SRGAP3: variants seen among roughly 807,000 people sequenced by gnomAD.
SRGAP3 encodes SLIT-ROBO Rho GTPase activating protein 3.
Under a neutral mutation model 121.1 loss-of-function variants are expected in SRGAP3, and 39 were observed. The ratio of observed to expected loss-of-function variants is 0.32; its 90% CI spans 0.25 to 0.42. The LOEUF (loss-of-function observed/expected upper bound fraction) is 0.42. Ranked by LOEUF, SRGAP3 falls within the 10% of genes least tolerant of loss-of-function variation. The pLI, the probability that SRGAP3 is intolerant of heterozygous loss-of-function variation, is 1.00. For synonymous variants in SRGAP3, 601 were observed against 570.0 expected, an observed-to-expected ratio of 1.05 and a Z score of -0.77; for missense variants, 1,213 against 1,470.6, an observed-to-expected ratio of 0.82 and a Z score of 2.86.
chr3:9,046,893 T>A (rs998806254), intron 10 of SRGAP3, among the ~76,000 whole-genome samples: 5 of 151,712 alleles, frequency 3.3e-5, no homozygotes, highest in Non-Finnish European at 7.4e-5. Flanking sequence ...TGCAGTGGCA[T>A]GATCTCGGCT....
chr3:9,290,079 C>A, intron 3 of SRGAP3, among the ~76,000 whole-genome samples: 1 of 151,922 alleles, frequency 6.6e-6, no homozygotes, highest in East Asian at 1.9e-4. Flanking sequence ...CCACTGCACT[C>A]CAGCCTGGGC....
chr3:8,985,205 G>C lies in SRGAP3; in HGVS notation c.*314C>G. ...GTATGTAGAGAGAATGTCGAGAGAG[G>C]AAGTTTCCAGTGACGATATGCGGGA... is the stretch of plus-strand genomic sequence containing the variant. On this transcript the variant is annotated 3_prime_UTR_variant, in exon 22 of 22. Transcript: ENST00000383836. This position sits in a 1 kb window ranked among gnomAD's most constrained non-coding sequence, Gnocchi z 5.1. 1 of 470,514 alleles carries C rather than the reference G, an allele frequency of 2.1e-6. No individual in the cohort carries two copies. The highest frequency in any genetic ancestry group is 3.9e-6 in the Non-Finnish European group (1 of 259,572). 29.1% of individuals were successfully genotyped at this position (470,514 alleles called of 1,614,324 possible).
chr3:9,204,560 C>A (rs1952194816), intron 1 of SRGAP3, among the ~76,000 whole-genome samples: 2 of 152,214 alleles, frequency 1.3e-5, no homozygotes, highest in Non-Finnish European at 2.9e-5. Context: ...CAACAGCTTT[C>A]TCCTAGCTGC....
intron 4 of SRGAP3, among the ~76,000 whole-genome samples, chr3:9,073,303 C>G (rs1478166050): frequency 1.3e-5 from 2 of 152,138 alleles, no homozygotes; most frequent in Non-Finnish European, 2.9e-5. Flanking sequence ...GCTAACATGC[C>G]TTGCTAATTT....
At position 9,109,277 on chromosome 3, in the gene SRGAP3, G is replaced by A. The variant is rs139198975; in HGVS notation, c.261-4435C>T. Reference sequence around the variant, plus strand: ...AAAAGACAACTGATCTGGAACTGATGGGGAATTGCTGGGACAGTTTGGGGA... The same window carrying A: ...AAAAGACAACTGATCTGGAACTGATAGGGAATTGCTGGGACAGTTTGGGGA... On this transcript the variant is annotated intron_variant, in intron 2 of 21. Transcript: ENST00000383836. This position sits in a 1 kb window ranked among gnomAD's most constrained non-coding sequence, Gnocchi z 4.4. 3.8e-4 allele frequency among the ~76,000 whole-genome samples: 58 copies of A among 152,302 alleles called. 1 individual carries two copies. The East Asian group carries it at 0.01, about 26-fold the overall frequency.
At chr3:9,262,964 A>G (rs867539142) in intron 3 of SRGAP3, among the ~76,000 whole-genome samples, 1 of 152,164 alleles carries the variant, frequency 6.6e-6, no homozygotes, top group Non-Finnish European at 1.5e-5. Context: ...TGACCACATA[A>G]TTGGAAGTAA....
At chr3:9,027,144 T>C in intron 12 of SRGAP3, 149 bp from the exon 13 acceptor site, 1 of 772,792 alleles carries the variant, frequency 1.3e-6, no homozygotes. Flanking sequence ...TCCTAAAGTC[T>C]CCACGGACAG....
chr3:9,072,869 G>C (rs556811086), intron 4 of SRGAP3, among the ~76,000 whole-genome samples: 5 of 152,304 alleles, frequency 3.3e-5, no homozygotes, highest in African/African-American at 1.2e-4. Context: ...TTCTCTCTGT[G>C]TATCTTCTTG....
At chr3:9,357,611 AAG>A (rs936078734) in intron 1 of SRGAP3, among the ~76,000 whole-genome samples, 4 of 151,970 alleles carry the variant, frequency 2.6e-5, no homozygotes, top group Non-Finnish European at 4.4e-5. Context: ...AAAAAAAAAA[AAG>A]AGTATAAAAT....
intron 3 of SRGAP3, among the ~76,000 whole-genome samples, chr3:9,084,324 G>A (rs539995428): frequency 7.0e-4 from 106 of 152,298 alleles, no homozygotes; most frequent in Non-Finnish European, 1.2e-3. Context: ...ATTCTGGTGT[G>A]TGTTATTAGT....
intron 2 of SRGAP3, among the ~76,000 whole-genome samples, chr3:9,110,788 G>A (rs142203598): frequency 5.0e-4 from 76 of 152,380 alleles, no homozygotes; most frequent in African/African-American, 1.8e-3. Context: ...GTCAAGAGCT[G>A]CTCTGTAGAA....
intron 1 of SRGAP3, among the ~76,000 whole-genome samples, chr3:9,215,091 G>A (rs1173947824): frequency 7.9e-5 from 12 of 152,140 alleles, no homozygotes; most frequent in Admixed American, 7.2e-4. Context: ...ATATGATACT[G>A]TGTGTCTATT....
chr3:9,032,571 T>C lies in SRGAP3; in HGVS notation c.1539+79A>G, dbSNP rs527961132. 4.3e-4 allele frequency: 583 copies of C among 1,340,604 alleles called. 7 individuals carry two copies. The South Asian group carries it at 6.4e-3, about 15-fold the overall frequency. 83.0% of individuals were successfully genotyped at this position (1,340,604 alleles called of 1,614,324 possible). A position where few individuals can be genotyped will look rare whatever the true frequency, so the allele number is the denominator to read the frequency against. ...GGGCCTGGCCAAGGACAGGGCTGTCTGCTGGCAGGGAGGCGGGCGGACAGA... is the reference window on the plus strand; with the variant it reads ...GGGCCTGGCCAAGGACAGGGCTGTCCGCTGGCAGGGAGGCGGGCGGACAGA... On this transcript the variant is annotated intron_variant, in intron 12 of 21. Transcript: ENST00000383836.
Position 8,985,367 on chromosome 3 carries a change from C to A in SRGAP3, c.*152G>T, listed in dbSNP as rs1941623371. The A allele has an allele frequency of 2.1e-6, 3 of 1,411,024 alleles. No individual in the cohort carries two copies. Among genetic ancestry groups the A allele is most frequent in the South Asian group, 3.0e-5 (2 of 67,718 alleles). The allele number at this position is 1,411,024 out of a possible 1,614,324, so 87.4% of individuals were successfully genotyped here. On this transcript the variant is annotated 3_prime_UTR_variant, in exon 22 of 22. Transcript: ENST00000383836. The surrounding 1 kb of genome is among the most constrained non-coding windows in gnomAD (Gnocchi z 5.1). ...ATGGCTGGACGTGAGCTGCAGCCAG[C>A]GCCCGGGCCTCAGCTCTGCACAGAC...
chr3:9,297,982 G>A (rs1201364049), intron 3 of SRGAP3, among the ~76,000 whole-genome samples: 1 of 151,946 alleles, frequency 6.6e-6, no homozygotes, highest in Non-Finnish European at 1.5e-5. Context: ...GGAATAAGAA[G>A]GCCACCTACA....
intron 1 of SRGAP3, among the ~76,000 whole-genome samples, chr3:9,197,338 T>C (rs963509192): frequency 2.6e-4 from 39 of 152,314 alleles, no homozygotes; most frequent in Non-Finnish European, 2.1e-4. Context: ...GCAAAGTTGG[T>C]TTAAAAGTCA....
intron 1 of SRGAP3, among the ~76,000 whole-genome samples, chr3:9,175,757 C>A (rs1161352945): frequency 6.6e-6 from 1 of 152,210 alleles, no homozygotes; most frequent in Non-Finnish European, 1.5e-5. Context: ...CAGCATGTCC[C>A]AAACCAGGTG....
At chr3:9,081,262 C>T in intron 3 of SRGAP3, 1 of 456,718 alleles carries the variant, frequency 2.2e-6, no homozygotes, top group Non-Finnish European at 4.4e-6. Flanking sequence ...TTACCATTGC[C>T]TAGATCCTGA....
chr3:9,139,393 T>C (rs532674232), intron 1 of SRGAP3, among the ~76,000 whole-genome samples: 2 of 152,202 alleles, frequency 1.3e-5, no homozygotes, highest in African/African-American at 4.8e-5. Flanking sequence ...ATTACAAGTG[T>C]CCTTACAGGA....
Sources: allele counts gnomAD v4.1 joint callset (sites outside exome capture counted in the v4.1 genomes callset), GRCh38; gene constraint gnomAD v4.1.1; non-coding constraint Gnocchi (gnomAD v3.1); transcripts MANE v1.5; gene names NCBI Gene and HGNC (gene_info 2026-07-23, HGNC 2026-07-21).